Variants in ANK2 observed in about 807,000 individuals in gnomAD.
ANK2 encodes the protein ankyrin-2.
A neutral mutation model predicts 360.5 loss-of-function variants in ANK2; 83 were observed. That is an observed-to-expected ratio of 0.23 (90% CI 0.19 to 0.28). The LOEUF is 0.28. Among genes scored for constraint, ANK2 ranks in the 10% least tolerant of loss-of-function variants. The probability of loss-of-function intolerance (pLI) is 1.00; values close to 1 mark genes in which losing one functional copy is unlikely to be tolerated. For missense variants in ANK2, 4,201 were observed against 4,795.7 expected, an observed-to-expected ratio of 0.88 and a Z score of 3.66; for synonymous variants, 1,740 against 1,759.5, an observed-to-expected ratio of 0.99 and a Z score of 0.28.
intron 2 of ANK2, among the ~76,000 whole-genome samples, chr4:112,944,942 G>A (rs1442585351): frequency 6.6e-6 from 1 of 152,224 alleles, no homozygotes; most frequent in Non-Finnish European, 1.5e-5. Context: ...TAGACCAAGA[G>A]TGTGATAGGC....
chr4:113,264,200 C>T (rs1406542870), intron 13 of ANK2, among the ~76,000 whole-genome samples: 1 of 151,898 alleles, frequency 6.6e-6, no homozygotes, highest in Admixed American at 6.6e-5. Flanking sequence ...TCTCATAACA[C>T]AAAAAAATCA....
chr4:113,261,158 G>C (rs1376991626), intron 13 of ANK2, among the ~76,000 whole-genome samples: 1 of 152,046 alleles, frequency 6.6e-6, no homozygotes, highest in Non-Finnish European at 1.5e-5. Flanking sequence ...AGTGTGAGGT[G>C]TACCAGTAAC....
At chr4:112,938,486 A>G (rs1183748314) in intron 2 of ANK2, among the ~76,000 whole-genome samples, 1 of 152,198 alleles carries the variant, frequency 6.6e-6, no homozygotes, top group African/African-American at 2.4e-5. Context: ...TGTTCCAGCA[A>G]TCTACTTTTA....
intron 6 of ANK2, 112 bp from the exon 7 acceptor site, chr4:113,237,487 G>A: frequency 9.7e-7 from 1 of 1,031,610 alleles, no homozygotes; most frequent in South Asian, 1.3e-5. Flanking sequence ...CCAGTAGAAT[G>A]CATTTTGCCA....
At chr4:113,085,797 A>T (rs1289652573) in intron 1 of ANK2, among the ~76,000 whole-genome samples, 2 of 152,196 alleles carry the variant, frequency 1.3e-5, no homozygotes, top group Non-Finnish European at 2.9e-5. Flanking sequence ...ATTTGGAGGA[A>T]GGGGGAACTT....
the ANK2 span, among the ~76,000 whole-genome samples, chr4:112,759,597 G>C: frequency 2.0e-5 from 3 of 152,162 alleles, no homozygotes; most frequent in East Asian, 3.9e-4. Flanking sequence ...ATAGTGTTGA[G>C]AGGTAGGGGG....
At chr4:112,974,871 G>A (rs183144986) in intron 2 of ANK2, among the ~76,000 whole-genome samples, 1 of 151,864 alleles carries the variant, frequency 6.6e-6, no homozygotes, top group African/African-American at 2.4e-5. Context: ...GTGAACACAG[G>A]CGTGGCCTAT....
chr4:113,115,939 T>C (rs1176339708), intron 1 of ANK2, among the ~76,000 whole-genome samples: 5 of 152,162 alleles, frequency 3.3e-5, no homozygotes, highest in Admixed American at 2.0e-4. Flanking sequence ...GGAAGGAACG[T>C]CCATAGTCCT....
At chr4:112,805,739 G>A in the ANK2 span, among the ~76,000 whole-genome samples, 5 of 151,968 alleles carry the variant, frequency 3.3e-5, no homozygotes, top group East Asian at 1.9e-4. Context: ...ATGCCACCAC[G>A]CCTGGCTAAT....
intron 1 of ANK2, among the ~76,000 whole-genome samples, chr4:113,071,666 G>T (rs1360563641): frequency 6.6e-6 from 1 of 152,170 alleles, no homozygotes; most frequent in African/African-American, 2.4e-5. Context: ...GCCAGGCTTA[G>T]TGGTACACCC....
At chr4:112,768,006 A>G in the ANK2 span, among the ~76,000 whole-genome samples, 1 of 152,316 alleles carries the variant, frequency 6.6e-6, no homozygotes, top group African/African-American at 2.4e-5. Flanking sequence ...AAACAAAGGG[A>G]GAAGGAGACA....
At chr4:113,178,160 A>G (rs1347183465) in intron 2 of ANK2, among the ~76,000 whole-genome samples, 2 of 152,006 alleles carry the variant, frequency 1.3e-5, no homozygotes, top group Admixed American at 6.6e-5. Context: ...TGGGAGGCTG[A>G]GGCAGGAGGA....
At chr4:113,317,577 G>A in intron 24 of ANK2, 130 bp from the exon 25 acceptor site, 1 of 725,112 alleles carries the variant, frequency 1.4e-6, no homozygotes, top group Non-Finnish European at 2.5e-6. Context: ...ACAGAGACTT[G>A]TGTCCCCCTG....
intron 2 of ANK2, among the ~76,000 whole-genome samples, chr4:113,007,677 G>A (rs1305145179): frequency 2.0e-5 from 3 of 152,080 alleles, no homozygotes; most frequent in African/African-American, 7.2e-5. Context: ...AAGGAAATTT[G>A]TACCTTAAAC....
At chr4:113,277,701 T>C in intron 15 of ANK2, 136 bp from the exon 16 acceptor site, 1 of 696,668 alleles carries the variant, frequency 1.4e-6, no homozygotes, top group Non-Finnish European at 2.6e-6. Context: ...TGTTCATGGC[T>C]AACAGATTTA....
chr4:112,853,780 C>G (rs542270427), intron 1 of ANK2, among the ~76,000 whole-genome samples: 2 of 152,220 alleles, frequency 1.3e-5, no homozygotes, highest in African/African-American at 4.8e-5. Context: ...TGGGGGAAAT[C>G]TAGGAGAAAT....
intron 2 of ANK2, among the ~76,000 whole-genome samples, chr4:113,011,634 G>A (rs1438797241): frequency 6.6e-6 from 1 of 151,920 alleles, no homozygotes; most frequent in Non-Finnish European, 1.5e-5. Flanking sequence ...TCTGGGTCTT[G>A]ACTCCCTGTC....
chr4:113,355,422 A>G lies in ANK2; in HGVS notation c.6804A>G (p.Glu2268=), dbSNP rs759710631. ...TGETKESTKT[E]TTTEIRSEKE... Reference sequence around the variant, plus strand: ...AAACAAAGGAAAGCACCAAGACAGAAACCACCACAGAAATTCGTTCAGAAA... The same window carrying G: ...AAACAAAGGAAAGCACCAAGACAGAGACCACCACAGAAATTCGTTCAGAAA... The change falls in exon 38 of 46, where the codon GAA becomes GAG. Residue 2268 remains glutamate, a synonymous_variant. Coordinates refer to ENST00000357077, the MANE Select transcript of ANK2 (RefSeq NM_001148.6). 1.9e-6 allele frequency: 3 copies of G among 1,613,854 alleles called. No individual in the cohort carries two copies. The highest frequency in any genetic ancestry group is 2.7e-5 in the African/African-American group (2 of 74,916).
chr4:113,062,032 A>T (rs1035247623), intron 1 of ANK2, among the ~76,000 whole-genome samples: 1 of 149,184 alleles, frequency 6.7e-6, no homozygotes, highest in Non-Finnish European at 1.5e-5. Flanking sequence ...AAAAGCAACT[A>T]AAAAAAAATT....
Sources: gnomAD v4.1 joint callset for allele counts (sites outside exome capture counted in the v4.1 genomes callset) on GRCh38, gnomAD v4.1.1 for gene constraint, MANE v1.5 for transcripts, NCBI Gene and HGNC (gene_info 2026-07-23, HGNC 2026-07-21) for gene names.